The following STK3 variants were observed in gnomAD, a reference collection of about 807,000 sequenced individuals.
STK3 encodes serine/threonine-protein kinase 3.
In STK3, 41 loss-of-function variants were observed where a neutral mutation model predicts 58.0. The observed-to-expected ratio is 0.71, with a 90% CI of 0.55 to 0.92. The LOEUF is 0.92. STK3 is among the 40% of genes least tolerant of loss of function. The probability of loss-of-function intolerance (pLI) is 0.00; values close to 1 mark genes in which losing one functional copy is unlikely to be tolerated. For missense variants in STK3, 479 were observed against 602.7 expected (o/e 0.79, Z 2.15); for synonymous variants, 170 against 191.0 (o/e 0.89, Z 0.91).
At chr8:98,751,909 C>T (rs1167795309) in intron 3 of STK3, among the ~76,000 whole-genome samples, 1 of 151,950 alleles carries the variant, frequency 6.6e-6, no homozygotes, top group African/African-American at 2.4e-5. Flanking sequence ...CACTGCACTC[C>T]AGCCTGGGCA....
intron 7 of STK3, among the ~76,000 whole-genome samples, chr8:98,582,945 G>A (rs1290873023): frequency 6.6e-6 from 1 of 151,920 alleles, no homozygotes; most frequent in Non-Finnish European, 1.5e-5. Context: ...AACATACAAT[G>A]CTATATTAAT....
intron 1 of STK3, among the ~76,000 whole-genome samples, chr8:98,938,315 G>A (rs920701661): frequency 2.6e-5 from 4 of 152,188 alleles, no homozygotes; most frequent in Non-Finnish European, 5.9e-5. Context: ...TGGCCGAGGA[G>A]AGAAGTTCAA....
chr8:98,778,936 C>T (rs1036274338), intron 1 of STK3: 5 of 151,950 alleles, frequency 3.3e-5, no homozygotes, highest in Admixed American at 1.3e-4. Flanking sequence ...TGCTAAATGA[C>T]GAGTTAATGG....
chr8:98,490,198 T>C (rs565084595), intron 10 of STK3, among the ~76,000 whole-genome samples: 3 of 152,320 alleles, frequency 2.0e-5, no homozygotes, highest in Non-Finnish European at 4.4e-5. Context: ...TTGTCTGTGC[T>C]GGTATAGAGG....
intron 10 of STK3, among the ~76,000 whole-genome samples, chr8:98,462,609 C>T (rs772214787): frequency 7.2e-4 from 107 of 148,286 alleles, no homozygotes; most frequent in Admixed American, 1.8e-3. Flanking sequence ...CTACATATAT[C>T]GCTAGGTCTT....
At position 98,936,210 on chromosome 8, in the gene STK3, G is replaced by A. The variant is rs927238720; in HGVS notation, c.-79+6168C>T. On this transcript the variant is annotated intron_variant, in intron 1 of 1. Coordinates refer to the STK3 transcript ENST00000519420. ...TGGGATTACAGGCGTGAGCCACCATGCCTGGCCTGCATCCATGTTATTTAA... is the reference window on the plus strand; with the variant it reads ...TGGGATTACAGGCGTGAGCCACCATACCTGGCCTGCATCCATGTTATTTAA... 2.6e-5 allele frequency among the ~76,000 whole-genome samples: 4 copies of A among 152,130 alleles called. No individual in the cohort carries two copies. In the East Asian group the frequency reaches 7.7e-4, roughly 29 times the overall value.
intron 6 of STK3, among the ~76,000 whole-genome samples, chr8:98,665,016 T>A (rs1027002624): frequency 6.6e-6 from 1 of 152,174 alleles, no homozygotes; most frequent in African/African-American, 2.4e-5. Flanking sequence ...TTCTTATAAT[T>A]GTATGTACTG....
At chr8:98,877,212 G>A (rs1425225583) in intron 3 of STK3, among the ~76,000 whole-genome samples, 2 of 152,100 alleles carry the variant, frequency 1.3e-5, no homozygotes, top group Admixed American at 1.3e-4. Flanking sequence ...CAATACAAAC[G>A]GGCATTTTGA....
At chr8:98,840,445 G>A (rs2131806903) in intron 3 of STK3, among the ~76,000 whole-genome samples, 1 of 147,926 alleles carries the variant, frequency 6.8e-6, no homozygotes, top group East Asian at 2.0e-4. Flanking sequence ...GGTGGCACCT[G>A]TCTGTAGTCT....
intron 1 of STK3, among the ~76,000 whole-genome samples, chr8:98,923,854 T>TGCGCGCGCGC (rs3029998): frequency 1.8e-5 from 2 of 113,618 alleles, no homozygotes; most frequent in African/African-American, 3.4e-5. Flanking sequence ...TGTGTGTGTG[T>TGCGCGCGCGC]GCGCGCGCGC....
intron 6 of STK3, among the ~76,000 whole-genome samples, chr8:98,695,106 G>A (rs1824764761): frequency 6.6e-6 from 1 of 152,204 alleles, no homozygotes; most frequent in Non-Finnish European, 1.5e-5. Flanking sequence ...GGCCAGTGAT[G>A]GTGAGCATTT....
intron 3 of STK3, chr8:98,401,634 C>T (rs765838348): frequency 8.5e-5 from 13 of 152,212 alleles, no homozygotes; most frequent in Non-Finnish European, 1.8e-4. Flanking sequence ...AACAATCACT[C>T]ACACCAAGCA....
At chr8:98,362,969 CTT>C in the STK3 span, among the ~76,000 whole-genome samples, 115 of 152,306 alleles carry the variant, frequency 7.6e-4, no homozygotes, top group African/African-American at 2.7e-3. Flanking sequence ...TTCTAAAAAG[CTT>C]TGACACAATC....
chr8:98,579,351 T>C (rs1445364296), intron 8 of STK3, among the ~76,000 whole-genome samples: 1 of 152,192 alleles, frequency 6.6e-6, no homozygotes, highest in East Asian at 1.9e-4. Context: ...TAAAAGAAAA[T>C]TCCAGAAGAT....
At chr8:98,423,857 T>C (rs892481685) in intron 3 of STK3, among the ~76,000 whole-genome samples, 3 of 152,156 alleles carry the variant, frequency 2.0e-5, no homozygotes, top group African/African-American at 7.2e-5. Context: ...GAGATAACAG[T>C]CGGCCAGGTG....
At chr8:98,936,585 G>A (rs1049606163) in intron 1 of STK3, among the ~76,000 whole-genome samples, 1 of 152,216 alleles carries the variant, frequency 6.6e-6, no homozygotes. Context: ...CAGGCCATAT[G>A]GCTTGTCAAG....
chr8:98,367,161 T>C (rs1047561516), downstream of STK3, among the ~76,000 whole-genome samples: 4 of 152,244 alleles, frequency 2.6e-5, no homozygotes, highest in African/African-American at 9.6e-5. Flanking sequence ...ATAAGAATTG[T>C]GTGAGATTAG....
At chr8:98,662,677 CT>C (rs869059041) in intron 6 of STK3, among the ~76,000 whole-genome samples, 2,228 of 143,698 alleles carry the variant, frequency 0.016, 26 homozygotes, top group African/African-American at 0.041. Flanking sequence ...AGCTGTATTT[CT>C]TTTTTTTTTT....
chr8:98,841,779 A>G lies in STK3; in HGVS notation c.110+41868T>C, dbSNP rs1277388558. On this transcript the variant is annotated intron_variant, in intron 3 of 12. Transcript: ENST00000523601. ...GAAAATGGAAAAAGATGAAAATAAT[A>G]ATAGTAATAAAAAATACAAGGTTGT... is the stretch of plus-strand genomic sequence containing the variant. 2.0e-5 allele frequency among the ~76,000 whole-genome samples: 3 copies of G among 151,974 alleles called. No homozygotes were observed. In the East Asian group the frequency reaches 5.8e-4, roughly 29 times the overall value.
Sources: allele counts gnomAD v4.1 joint callset (sites outside exome capture counted in the v4.1 genomes callset), GRCh38; gene constraint gnomAD v4.1.1; transcripts MANE v1.5; gene names NCBI Gene and HGNC (gene_info 2026-07-23, HGNC 2026-07-21).